MLLT3: variants seen among roughly 807,000 people sequenced by gnomAD.
MLLT3 encodes protein AF-9.
Under a neutral mutation model 53.2 loss-of-function variants are expected in MLLT3, and 4 were observed. The ratio of observed to expected loss-of-function variants is 0.08; its 90% CI spans 0.04 to 0.17. The LOEUF (loss-of-function observed/expected upper bound fraction) is 0.17, where lower values mean the gene tolerates loss of function less well. Ranked by LOEUF, MLLT3 falls within the 10% of genes least tolerant of loss-of-function variation. The pLI, the probability that MLLT3 is intolerant of heterozygous loss-of-function variation, is 1.00. For synonymous variants in MLLT3, 283 were observed against 230.6 expected (o/e 1.23, Z -2.06); for missense variants, 569 against 684.0 (o/e 0.83, Z 1.87).
At chr9:20,555,870 C>A (rs985667275) in intron 2 of MLLT3, among the ~76,000 whole-genome samples, 3 of 152,216 alleles carry the variant, frequency 2.0e-5, no homozygotes, top group South Asian at 2.1e-4. Flanking sequence ...AACAAAATTA[C>A]AGGAGCATCC....
chr9:20,367,573 A>G (rs1821490259), intron 5 of MLLT3, among the ~76,000 whole-genome samples: 1 of 152,194 alleles, frequency 6.6e-6, no homozygotes, highest in African/African-American at 2.4e-5. Context: ...AAGTGTGCAA[A>G]TATACCAATC....
intron 2 of MLLT3, among the ~76,000 whole-genome samples, chr9:20,589,616 A>G (rs1222121083): frequency 6.6e-6 from 1 of 152,028 alleles, no homozygotes; most frequent in Non-Finnish European, 1.5e-5. Flanking sequence ...TTTTTATAAA[A>G]AAAGAATTTG....
chr9:20,604,917 T>C (rs1820524395), intron 2 of MLLT3, among the ~76,000 whole-genome samples: 1 of 151,996 alleles, frequency 6.6e-6, no homozygotes, highest in South Asian at 2.1e-4. Context: ...TTTTTCTGTG[T>C]AGATAATCTT....
At chr9:20,449,223 A>C (rs1823781158) in intron 3 of MLLT3, among the ~76,000 whole-genome samples, 1 of 152,212 alleles carries the variant, frequency 6.6e-6, no homozygotes, top group Non-Finnish European at 1.5e-5. Flanking sequence ...GACTGTTGAA[A>C]GTAGGATCAA....
chr9:20,354,753 G>GA, intron 9 of MLLT3, 55 bp downstream of exon 9: 1 of 1,191,386 alleles, frequency 8.4e-7, no homozygotes, highest in Admixed American at 1.7e-5. Flanking sequence ...GCAACACAAA[G>GA]AAACGGAAGG....
chr9:20,586,462 A>G (rs1285849992), intron 2 of MLLT3, among the ~76,000 whole-genome samples: 1 of 151,980 alleles, frequency 6.6e-6, no homozygotes, highest in African/African-American at 2.4e-5. Flanking sequence ...GATATCACTG[A>G]CTTCGTACAT....
At chr9:20,472,742 T>A (rs572669743) in intron 2 of MLLT3, among the ~76,000 whole-genome samples, 6 of 152,088 alleles carry the variant, frequency 3.9e-5, no homozygotes, top group African/African-American at 1.2e-4. Context: ...CAAACCAAAT[T>A]TAGAAATATC....
At chr9:20,532,197 A>T (rs1403187650) in intron 2 of MLLT3, among the ~76,000 whole-genome samples, 1 of 152,180 alleles carries the variant, frequency 6.6e-6, no homozygotes, top group African/African-American at 2.4e-5. Flanking sequence ...TCTTCACAAT[A>T]ATCTAGAAAA....
intron 4 of MLLT3, among the ~76,000 whole-genome samples, chr9:20,433,348 T>A (rs1331076073): frequency 6.6e-6 from 1 of 152,164 alleles, no homozygotes; most frequent in Admixed American, 6.5e-5. Flanking sequence ...TAATAGGTTA[T>A]AACCCATTGA....
chr9:20,356,701 T>C (rs968178747), intron 8 of MLLT3, among the ~76,000 whole-genome samples: 3 of 152,216 alleles, frequency 2.0e-5, no homozygotes, highest in African/African-American at 7.2e-5. Context: ...GAGGACGCTG[T>C]ATTTGCAATA....
chr9:20,350,784 C>G (rs1007127337), intron 10 of MLLT3, among the ~76,000 whole-genome samples: 2 of 152,074 alleles, frequency 1.3e-5, no homozygotes, highest in African/African-American at 4.8e-5. Flanking sequence ...TTGTTTTAAA[C>G]AGGGTAAGAT....
chr9:20,382,921 C>T (rs1213599231), intron 5 of MLLT3, among the ~76,000 whole-genome samples: 1 of 151,742 alleles, frequency 6.6e-6, no homozygotes, highest in African/African-American at 2.4e-5. Flanking sequence ...AAGACCTGCC[C>T]ATCCTATCAG....
chr9:20,586,313 C>T (rs1174001511), intron 2 of MLLT3, among the ~76,000 whole-genome samples: 1 of 151,108 alleles, frequency 6.6e-6, no homozygotes, highest in Non-Finnish European at 1.5e-5. Context: ...GAGCAAGACC[C>T]CATCTCAGAG....
intron 2 of MLLT3, among the ~76,000 whole-genome samples, chr9:20,494,629 CTG>C (rs1825031524): frequency 4.1e-5 from 3 of 73,776 alleles, no homozygotes; most frequent in African/African-American, 2.1e-4. Flanking sequence ...TGTTTTCAGG[CTG>C]CCACTTTAAA....
intron 5 of MLLT3, among the ~76,000 whole-genome samples, chr9:20,381,284 G>A (rs1015279613): frequency 1.3e-5 from 2 of 151,884 alleles, no homozygotes; most frequent in Non-Finnish European, 2.9e-5. Flanking sequence ...GACATCATGT[G>A]ATTGCATTTA....
intron 2 of MLLT3, among the ~76,000 whole-genome samples, chr9:20,605,255 T>C (rs1333515655): frequency 1.3e-5 from 2 of 152,096 alleles, no homozygotes; most frequent in East Asian, 3.8e-4. Flanking sequence ...AAACCAAAAA[T>C]AGCTCTCTCA....
chr9:20,361,154 AAAGCT>A (rs1821312169), intron 7 of MLLT3, among the ~76,000 whole-genome samples: 1 of 152,212 alleles, frequency 6.6e-6, no homozygotes, highest in Admixed American at 6.5e-5. Context: ...CAAGTGGCCC[AAAGCT>A]AGTGCTCAGC....
chr9:20,494,291 A>G (rs866229802), intron 2 of MLLT3, among the ~76,000 whole-genome samples: 11 of 152,128 alleles, frequency 7.2e-5, no homozygotes, highest in African/African-American at 2.4e-4. Flanking sequence ...ACCGAGAGAC[A>G]TAGCCATTTG....
chr9:20,356,634 C>T (rs969534249), intron 8 of MLLT3, among the ~76,000 whole-genome samples: 4 of 152,220 alleles, frequency 2.6e-5, no homozygotes, highest in East Asian at 1.9e-4. Context: ...CATCATATCC[C>T]GCTGCCTCCC....
Sources: gnomAD v4.1 joint callset for allele counts (sites outside exome capture counted in the v4.1 genomes callset) on GRCh38, gnomAD v4.1.1 for gene constraint, MANE v1.5 for transcripts, NCBI Gene and HGNC (gene_info 2026-07-23, HGNC 2026-07-21) for gene names.